Variants in ROBO2 observed in about 807,000 individuals in gnomAD.
ROBO2 encodes roundabout guidance receptor 2.
In ROBO2, 53 loss-of-function variants were observed where a neutral mutation model predicts 160.8. That is an observed-to-expected ratio of 0.33 (90% confidence interval 0.26 to 0.41). The LOEUF is 0.41. Ranked by LOEUF, ROBO2 falls within the 10% of genes least tolerant of loss-of-function variation. The pLI is 1.00. For missense variants in ROBO2, 1,577 were observed against 1,722.4 expected (o/e 0.92, Z 1.49); for synonymous variants, 664 against 611.7 (o/e 1.09, Z -1.26).
At chr3:77,359,407 T>G (rs1201828328) in intron 2 of ROBO2, among the ~76,000 whole-genome samples, 1 of 152,196 alleles carries the variant, frequency 6.6e-6, no homozygotes, top group Non-Finnish European at 1.5e-5. Context: ...CAGATAAATG[T>G]ATGTGTCTGT....
At chr3:77,316,323 TA>T (rs142717995) in intron 2 of ROBO2, among the ~76,000 whole-genome samples, 5,355 of 152,192 alleles carry the variant, frequency 0.035, 307 homozygotes, top group African/African-American at 0.12. Flanking sequence ...AAGATCTGTA[TA>T]AAAAAGTCTC....
chr3:76,629,201 A>G (rs1032491887), intron 2 of ROBO2, among the ~76,000 whole-genome samples: 1 of 152,198 alleles, frequency 6.6e-6, no homozygotes, highest in Non-Finnish European at 1.5e-5. Context: ...AAGGAGGGTG[A>G]GAGTAAATCC....
Position 76,790,475 on chromosome 3 carries a change from A to G in ROBO2, c.110-307539A>G, listed in dbSNP as rs146853421. Among the ~76,000 whole-genome samples the G allele has an allele frequency of 2.6e-5, 4 of 151,828 alleles. No individual in the cohort carries two copies. In the East Asian group the frequency reaches 7.8e-4, roughly 30 times the overall value. On this transcript the variant is annotated intron_variant, in intron 2 of 26. Transcript: ENST00000487694. Reference sequence around the variant, plus strand: ...CTTCTCCACTTAAAATGGATTTACTATCTGACAAACTCATTGTTAAGTTGA... The same window carrying G: ...CTTCTCCACTTAAAATGGATTTACTGTCTGACAAACTCATTGTTAAGTTGA...
chr3:77,562,862 AT>A, intron 10 of ROBO2, 130 bp downstream of exon 11: 1 of 754,144 alleles, frequency 1.3e-6, no homozygotes, highest in Non-Finnish European at 2.4e-6. Context: ...ATTCAATGCC[AT>A]TTTTTAATTC....
chr3:77,129,290 A>G (rs2075633051), intron 2 of ROBO2, among the ~76,000 whole-genome samples: 1 of 152,322 alleles, frequency 6.6e-6, no homozygotes, highest in East Asian at 1.9e-4. Flanking sequence ...AAATCAAGCT[A>G]TTAGGTTTAT....
chr3:77,621,083 C>T (rs2094890276), intron 22 of ROBO2, among the ~76,000 whole-genome samples: 1 of 144,752 alleles, frequency 6.9e-6, no homozygotes, highest in Non-Finnish European at 1.5e-5. Context: ...TTGTTAGCTA[C>T]CTGATTTGAA....
chr3:77,413,012 G>C (rs1212277887), intron 2 of ROBO2, among the ~76,000 whole-genome samples: 7 of 152,140 alleles, frequency 4.6e-5, no homozygotes, highest in Non-Finnish European at 1.0e-4. Flanking sequence ...GGTCCAGCCA[G>C]CCTGGGCAAT....
At chr3:77,005,684 G>A (rs148367053) in intron 2 of ROBO2, among the ~76,000 whole-genome samples, 92 of 152,274 alleles carry the variant, frequency 6.0e-4, no homozygotes, top group African/African-American at 2.1e-3. Context: ...TGATGGATTG[G>A]CCAGTTGAGT....
intron 2 of ROBO2, among the ~76,000 whole-genome samples, chr3:76,489,606 T>C (rs959096105): frequency 5.9e-5 from 9 of 152,152 alleles, no homozygotes; most frequent in African/African-American, 2.2e-4. Flanking sequence ...AATTAAAAAA[T>C]TATTTTATTT....
chr3:76,103,036 G>C (rs1335221666), intron 2 of ROBO2, among the ~76,000 whole-genome samples: 1 of 152,100 alleles, frequency 6.6e-6, no homozygotes, highest in East Asian at 1.9e-4. Flanking sequence ...TGTTAGCCAG[G>C]ATGGTCTCAA....
At chr3:76,435,971 C>T (rs2076656014) in intron 2 of ROBO2, among the ~76,000 whole-genome samples, 1 of 152,114 alleles carries the variant, frequency 6.6e-6, no homozygotes, top group Non-Finnish European at 1.5e-5. Flanking sequence ...AAAATTGTGT[C>T]CTATAAGCAT....
chr3:76,716,228 G>A (rs2093376533), intron 2 of ROBO2, among the ~76,000 whole-genome samples: 1 of 152,094 alleles, frequency 6.6e-6, no homozygotes, highest in African/African-American at 2.4e-5. Flanking sequence ...CATTCACTCA[G>A]GCAACTTTCC....
At chr3:76,928,213 G>A (rs988901876) in intron 2 of ROBO2, among the ~76,000 whole-genome samples, 1 of 152,140 alleles carries the variant, frequency 6.6e-6, no homozygotes, top group African/African-American at 2.4e-5. Context: ...TACAGACAAA[G>A]AGAGCCATGA....
chr3:76,399,049 T>C lies in ROBO2; in HGVS notation c.109+461447T>C, dbSNP rs116173333. On this transcript the variant is annotated intron_variant, in intron 2 of 26. Coordinates refer to the ROBO2 transcript ENST00000487694. ...GTAGAGTGTTTTGTTTATATAAGCA[T>C]GTAGTATATACAATAATATTCAGTC... is the stretch of plus-strand genomic sequence containing the variant. 2.6e-3 allele frequency among the ~76,000 whole-genome samples: 400 copies of C among 151,934 alleles called. 3 individuals carry two copies. Among genetic ancestry groups the C allele is most frequent in the African/African-American group, 9.2e-3 (382 of 41,514 alleles).
intron 2 of ROBO2, among the ~76,000 whole-genome samples, chr3:77,168,233 C>A (rs1343358152): frequency 6.6e-6 from 1 of 152,190 alleles, no homozygotes; most frequent in Non-Finnish European, 1.5e-5. Flanking sequence ...ATGACGAAGT[C>A]AGTGGCAGAA....
chr3:77,348,046 C>CA (rs2067868638), intron 2 of ROBO2, among the ~76,000 whole-genome samples: 1 of 151,988 alleles, frequency 6.6e-6, no homozygotes. Flanking sequence ...TTTTATACAC[C>CA]TTTTTTTCCT....
At chr3:76,455,775 T>C (rs2077718265) in intron 2 of ROBO2, among the ~76,000 whole-genome samples, 1 of 152,220 alleles carries the variant, frequency 6.6e-6, no homozygotes, top group Non-Finnish European at 1.5e-5. Context: ...AGGAATGATC[T>C]AATTCTAATA....
At chr3:76,361,333 A>T (rs965267362) in intron 2 of ROBO2, among the ~76,000 whole-genome samples, 2 of 152,130 alleles carry the variant, frequency 1.3e-5, no homozygotes, top group Admixed American at 6.6e-5. Context: ...CATGATATTT[A>T]GCACAATTTC....
intron 2 of ROBO2, among the ~76,000 whole-genome samples, chr3:77,127,849 G>A (rs780076961): frequency 7.2e-5 from 11 of 152,090 alleles, no homozygotes; most frequent in Non-Finnish European, 1.3e-4. Context: ...TGTGTGTTGA[G>A]GTGAAAGACC....
Sources: allele counts gnomAD v4.1 joint callset (sites outside exome capture counted in the v4.1 genomes callset), GRCh38; gene constraint gnomAD v4.1.1; transcripts MANE v1.5; gene names NCBI Gene and HGNC (gene_info 2026-07-23, HGNC 2026-07-21).